NLGN1: variants seen among roughly 807,000 people sequenced by gnomAD.
NLGN1 encodes the protein neuroligin-1.
Under a neutral mutation model 65.5 loss-of-function variants are expected in NLGN1, and 12 were observed. That is an observed-to-expected ratio of 0.18 (90% CI 0.12 to 0.30). The LOEUF is 0.30. NLGN1 is among the 10% of genes least tolerant of loss of function. The pLI is 1.00. For synonymous variants in NLGN1, 350 were observed against 359.5 expected (o/e 0.97, Z 0.30); for missense variants, 750 against 1,007.1 (o/e 0.74, Z 3.46).
chr3:173,636,524 A>C (rs1303156432), intron 3 of NLGN1, among the ~76,000 whole-genome samples: 1 of 150,372 alleles, frequency 6.7e-6, no homozygotes, highest in African/African-American at 2.4e-5. Flanking sequence ...TAATCAGAGC[A>C]CTCCTTATTC....
At chr3:173,455,148 TTAA>T (rs1722289520) in intron 2 of NLGN1, among the ~76,000 whole-genome samples, 1 of 152,192 alleles carries the variant, frequency 6.6e-6, no homozygotes, top group Non-Finnish European at 1.5e-5. Context: ...CACATTGCTA[TTAA>T]TAAATACCTG....
chr3:173,525,275 A>G (rs1465378820), intron 2 of NLGN1, among the ~76,000 whole-genome samples: 4 of 151,720 alleles, frequency 2.6e-5, no homozygotes, highest in African/African-American at 9.7e-5. Context: ...AAGATGTTTT[A>G]TTACTGATTT....
At chr3:173,406,051 T>A (rs925145938) in intron 1 of NLGN1, among the ~76,000 whole-genome samples, 2 of 152,122 alleles carry the variant, frequency 1.3e-5, no homozygotes, top group African/African-American at 2.4e-5. Context: ...TATTGTATCA[T>A]ATATAGCTTT....
intron 4 of NLGN1, among the ~76,000 whole-genome samples, chr3:174,189,988 C>G (rs1732084445): frequency 6.6e-6 from 1 of 151,938 alleles, no homozygotes; most frequent in Non-Finnish European, 1.5e-5. Flanking sequence ...GGGAGGGAAG[C>G]CAATTTACAG....
chr3:174,235,043 A>G (rs1347792942), intron 4 of NLGN1, among the ~76,000 whole-genome samples: 1 of 87,416 alleles, frequency 1.1e-5, no homozygotes, highest in Non-Finnish European at 2.1e-5. Context: ...CATTCTAGTG[A>G]CAGCCAGTTT....
chr3:173,728,759 G>A (rs1051096563), intron 3 of NLGN1, among the ~76,000 whole-genome samples: 1 of 152,030 alleles, frequency 6.6e-6, no homozygotes, highest in African/African-American at 2.4e-5. Flanking sequence ...GCAATGCTAA[G>A]GATTGCTGGA....
At chr3:173,920,985 A>G (rs539559458) in intron 4 of NLGN1, among the ~76,000 whole-genome samples, 39 of 151,908 alleles carry the variant, frequency 2.6e-4, no homozygotes, top group Non-Finnish European at 4.6e-4. Context: ...GGAATTCAGC[A>G]TATGTGTTTC....
chr3:173,421,731 G>A (rs542600429), intron 1 of NLGN1, among the ~76,000 whole-genome samples: 16 of 151,944 alleles, frequency 1.1e-4, no homozygotes, highest in African/African-American at 3.9e-4. Context: ...TGTTGCCTCA[G>A]GCTGGTCTTA....
chr3:173,832,250 C>T lies in NLGN1; in HGVS notation c.646+24418C>T, dbSNP rs376201981. ...AAATGTTGGGACTACAGGCATGATCCACTGCACCTGGCCTTTACTTCATTC... is the reference window on the plus strand; with the variant it reads ...AAATGTTGGGACTACAGGCATGATCTACTGCACCTGGCCTTTACTTCATTC... On this transcript the variant is annotated intron_variant, in intron 4 of 6. Coordinates refer to ENST00000457714, the Ensembl canonical transcript of NLGN1. 5.3e-5 allele frequency among the ~76,000 whole-genome samples: 8 copies of T among 152,154 alleles called. No homozygotes were observed. In the East Asian group the frequency reaches 1.2e-3, roughly 22 times the overall value.
intron 2 of NLGN1, among the ~76,000 whole-genome samples, chr3:173,558,314 C>G (rs1184439042): frequency 6.6e-6 from 1 of 151,914 alleles, no homozygotes; most frequent in East Asian, 1.9e-4. Context: ...CCTGTTCATC[C>G]TACTGTGGTT....
intron 4 of NLGN1, among the ~76,000 whole-genome samples, chr3:173,843,917 G>C (rs1353166884): frequency 6.6e-6 from 1 of 152,084 alleles, no homozygotes; most frequent in Non-Finnish European, 1.5e-5. Flanking sequence ...TTTTCATGCT[G>C]CTGATAAAGA....
chr3:173,423,045 T>G (rs1300122857), intron 1 of NLGN1, among the ~76,000 whole-genome samples: 1 of 152,056 alleles, frequency 6.6e-6, no homozygotes, highest in Non-Finnish European at 1.5e-5. Flanking sequence ...ACAATCATGG[T>G]AGAGGGCGAA....
At chr3:173,857,388 C>T (rs1242605108) in intron 4 of NLGN1, among the ~76,000 whole-genome samples, 1 of 152,066 alleles carries the variant, frequency 6.6e-6, no homozygotes, top group East Asian at 1.9e-4. Context: ...TGTACAGAGC[C>T]TTCTCAACCT....
In NLGN1 at chr3:174,160,963, T is replaced by C. The variant is rs140046222; in HGVS notation, c.647-114352T>C. Among the ~76,000 whole-genome samples, 7 of 151,858 alleles carry C rather than the reference T, an allele frequency of 4.6e-5. No individual in the cohort carries two copies. The East Asian group carries it at 1.4e-3, about 29-fold the overall frequency. ...TACTCTGCCCAGCCTCTGATAACCA[T>C]CCTTCTACTCTCTATCTCCATGTTT... On this transcript the variant is annotated intron_variant, in intron 4 of 6. Transcript: ENST00000457714.
chr3:173,459,476 A>C (rs1041783546), intron 2 of NLGN1, among the ~76,000 whole-genome samples: 11 of 152,110 alleles, frequency 7.2e-5, no homozygotes, highest in Non-Finnish European at 1.2e-4. Context: ...GCTTAATCAG[A>C]GGCTACACAT....
intron 4 of NLGN1, among the ~76,000 whole-genome samples, chr3:174,041,918 T>C (rs942376953): frequency 5.3e-5 from 8 of 152,196 alleles, no homozygotes; most frequent in African/African-American, 1.7e-4. Context: ...CCTGGGTGTG[T>C]TGGCAGGTGC....
chr3:173,526,555 G>A (rs1436852207), intron 2 of NLGN1, among the ~76,000 whole-genome samples: 1 of 152,092 alleles, frequency 6.6e-6, no homozygotes, highest in Non-Finnish European at 1.5e-5. Context: ...TCACATCAGA[G>A]TAAATGGGGT....
rs546979624 is a variant in NLGN1, at chr3:173,422,462, G to A, written c.-389-12548G>A. Reference sequence around the variant, plus strand: ...AACATAGAAATATAAATATCACTTCGATTTGATTTCCTTTTGGATATACCC... The same window carrying A: ...AACATAGAAATATAAATATCACTTCAATTTGATTTCCTTTTGGATATACCC... On this transcript the variant is annotated intron_variant, in intron 1 of 6. Transcript: ENST00000457714. 2.3e-4 allele frequency among the ~76,000 whole-genome samples: 35 copies of A among 152,172 alleles called. 1 individual carries two copies. In the South Asian group the frequency reaches 4.6e-3, roughly 20 times the overall value.
chr3:174,130,811 A>G (rs772410978), intron 4 of NLGN1, among the ~76,000 whole-genome samples: 27 of 152,166 alleles, frequency 1.8e-4, no homozygotes, highest in Admixed American at 2.6e-4. Context: ...AGTGGGGTCT[A>G]AAATTTGATT....
Sources: allele counts gnomAD v4.1 joint callset (sites outside exome capture counted in the v4.1 genomes callset), GRCh38; gene constraint gnomAD v4.1.1; transcripts MANE v1.5; gene names NCBI Gene and HGNC (gene_info 2026-07-23, HGNC 2026-07-21).